KIF15: variants seen among roughly 807,000 people sequenced by gnomAD.
KIF15 encodes kinesin family member 15.
Under a neutral mutation model 190.6 loss-of-function variants are expected in KIF15, and 140 were observed. That is an observed-to-expected ratio of 0.73 (90% CI 0.64 to 0.84). The LOEUF is 0.84. Among genes scored for constraint, KIF15 ranks in the 40% least tolerant of loss-of-function variants. The pLI, the probability that KIF15 is intolerant of heterozygous loss-of-function variation, is 0.00. For synonymous variants in KIF15, 528 were observed against 551.3 expected, an observed-to-expected ratio of 0.96 and a Z score of 0.59; for missense variants, 1,372 against 1,584.4, an observed-to-expected ratio of 0.87 and a Z score of 2.28.
chr3:44,778,978 T>TTAA (rs1427427586), intron 4 of KIF15, among the ~76,000 whole-genome samples: 1 of 13,656 alleles, frequency 7.3e-5, no homozygotes, highest in African/African-American at 3.5e-4. Flanking sequence ...AGACTCCGCC[T>TTAA]CAAAAAAAAA....
intron 4 of KIF15, among the ~76,000 whole-genome samples, chr3:44,779,991 A>G (rs1706090883): frequency 6.6e-6 from 1 of 152,028 alleles, no homozygotes; most frequent in Non-Finnish European, 1.5e-5. Context: ...GAAAAAGTAA[A>G]TCCAAAATTT....
At position 44,786,446 on chromosome 3, in the gene KIF15, A is replaced by G. The variant is rs755315787; in HGVS notation, c.511A>G (p.Asn171Asp). 3.1e-6 allele frequency: 5 copies of G among 1,612,360 alleles called. No individual in the cohort carries two copies. The highest frequency in any genetic ancestry group is 2.5e-6 in the Non-Finnish European group (3 of 1,178,802). Residue 171 changes from asparagine (N) to aspartate (D), a missense_variant, in exon 7 of 35, where the codon AAC becomes GAC. Transcript: ENST00000326047. The part of the protein sequence containing the change: ...LCKCSFIEIY[N>D]EQIYDLLDSA... ...TAAGTGTTCCTTTATTGAAATCTACAACGAGCAGATATATGATCTACTGGA... is the reference window on the plus strand; with the variant it reads ...TAAGTGTTCCTTTATTGAAATCTACGACGAGCAGATATATGATCTACTGGA...
chr3:44,847,168 G>C (rs767406512), intron 30 of KIF15, among the ~76,000 whole-genome samples: 15 of 152,296 alleles, frequency 9.8e-5, no homozygotes, highest in Non-Finnish European at 1.8e-4. Flanking sequence ...TGTCTGGGCT[G>C]CCAGATTTGT....
At chr3:44,847,831 C>T (rs1698914826) in intron 30 of KIF15, among the ~76,000 whole-genome samples, 154 bp from the exon 31 acceptor site, 1 of 152,210 alleles carries the variant, frequency 6.6e-6, no homozygotes. Flanking sequence ...TCACATTTAT[C>T]AACTGTACTG....
Position 44,782,109 on chromosome 3 carries a change from G to A in KIF15, c.361+1187G>A, listed in dbSNP as rs370407798. ...CTGTCGCCTAGGCTAGAGTGCAGTG[G>A]TACAATCTTGGCTCACTGCAACCTT... On this transcript the variant is annotated intron_variant, in intron 5 of 34. Coordinates refer to ENST00000326047, the MANE Select transcript of KIF15 (RefSeq NM_020242.3). Among the ~76,000 whole-genome samples, 25 of 152,124 alleles carry A rather than the reference G, an allele frequency of 1.6e-4. No homozygotes were observed. The East Asian group carries it at 4.4e-3, about 27-fold the overall frequency.
At position 44,852,605 on chromosome 3, in the gene KIF15, A is replaced by G. The variant is rs187558124; in HGVS notation, c.4105-68A>G. 8,693 of 1,274,288 alleles carry G rather than the reference A, an allele frequency of 6.8e-3. 81 individuals are homozygous for G. Among genetic ancestry groups the G allele is most frequent in the Non-Finnish European group, 6.5e-3 (5,957 of 918,194 alleles). The allele number at this position is 1,274,288 out of a possible 1,614,324, so 78.9% of individuals were successfully genotyped here. A position where few individuals can be genotyped will look rare whatever the true frequency, so the allele number is the denominator to read the frequency against. On this transcript the variant is annotated intron_variant, in intron 34 of 34. Coordinates refer to ENST00000326047, the MANE Select transcript of KIF15 (RefSeq NM_020242.3). ...TGAAATATACACCTAATAAATGCAA[A>G]AAAAAACCACTTCCTGTAAGAATTA...
At chr3:44,769,814 GA>G (rs1705568080) in intron 1 of KIF15, among the ~76,000 whole-genome samples, 1 of 152,168 alleles carries the variant, frequency 6.6e-6, no homozygotes, top group Non-Finnish European at 1.5e-5. Flanking sequence ...CCAAGGGAAA[GA>G]AAAGGATGCC....
At chr3:44,784,764 T>G in intron 5 of KIF15, 81 bp from the exon 6 acceptor site, 1 of 724,724 alleles carries the variant, frequency 1.4e-6, no homozygotes, top group Non-Finnish European at 2.4e-6. Flanking sequence ...TGGTGTATCA[T>G]CTAATTTCTG....
chr3:44,775,500 G>C (rs547143570), intron 3 of KIF15, 63 bp downstream of exon 3: 30 of 1,264,666 alleles, frequency 2.4e-5, no homozygotes, highest in Non-Finnish European at 2.9e-5. Context: ...TCTGTCACCA[G>C]GCTGGAGTGC....
At chr3:44,840,814 GCA>G (rs1698561464) in intron 28 of KIF15, among the ~76,000 whole-genome samples, 1 of 143,628 alleles carries the variant, frequency 7.0e-6, no homozygotes, top group South Asian at 2.4e-4. Context: ...GACTACAGGT[GCA>G]CACTGCCACG....
chr3:44,838,302 C>T lies in KIF15; in HGVS notation c.3199C>T (p.His1067Tyr), dbSNP rs1429977311. 6.8e-6 allele frequency: 11 copies of T among 1,613,546 alleles called. No homozygotes were observed. The highest frequency in any genetic ancestry group is 2.2e-5 in the East Asian group (1 of 44,804). ...GGATATGCTCTGTGAGGACCTGGCTCATGCCACTGAGCAGCTGAACATGCT... is the reference window on the plus strand; with the variant it reads ...GGATATGCTCTGTGAGGACCTGGCTTATGCCACTGAGCAGCTGAACATGCT... ...ERDMLCEDLA[H>Y]ATEQLNMLTE... is the part of the protein sequence containing the mutation. Residue 1067 changes from histidine (H) to tyrosine (Y), a missense_variant, in exon 27 of 35, where the codon CAT becomes TAT. Transcript: ENST00000326047.
At chr3:44,784,411 G>A (rs566671712) in intron 5 of KIF15, among the ~76,000 whole-genome samples, 76 of 152,078 alleles carry the variant, frequency 5.0e-4, no homozygotes, top group Non-Finnish European at 6.3e-4. Context: ...TGATCCGCCC[G>A]CCTCAGCTTC....
At chr3:44,828,185 C>T in intron 23 of KIF15, 29 bp from the exon 24 acceptor site, 2 of 1,525,394 alleles carry the variant, frequency 1.3e-6, no homozygotes, top group Non-Finnish European at 1.8e-6. Context: ...TTTAATTATT[C>T]TTCTAAAAAT....
At position 44,838,437 on chromosome 3, in the gene KIF15, G is replaced by T; in HGVS notation, c.3318+16G>T. ...TCAGCACAAGGTGAGAAACACACAG[G>T]TGTCACTCAAGATGGGAGACAAGAG... On this transcript the variant is annotated intron_variant, in intron 27 of 34. Coordinates refer to ENST00000326047, the MANE Select transcript of KIF15 (RefSeq NM_020242.3). The T allele has an allele frequency of 6.2e-7, 1 of 1,607,300 alleles. No homozygotes were observed. The highest frequency in any genetic ancestry group is 1.3e-5 in the African/African-American group (1 of 74,676).
chr3:44,849,518 C>G (rs1455318920), intron 32 of KIF15, among the ~76,000 whole-genome samples: 1 of 151,958 alleles, frequency 6.6e-6, no homozygotes, highest in African/African-American at 2.4e-5. Flanking sequence ...AAAGCTCTTG[C>G]CATTCTTTTA....
intron 6 of KIF15, among the ~76,000 whole-genome samples, chr3:44,866,517 C>T (rs1259843785): frequency 6.6e-6 from 1 of 152,190 alleles, no homozygotes; most frequent in African/African-American, 2.4e-5. Context: ...CGAGGGCCCT[C>T]TCAGCTCTCC....
chr3:44,771,773 GA>G (rs33999517), intron 1 of KIF15, among the ~76,000 whole-genome samples: 2 of 152,104 alleles, frequency 1.3e-5, no homozygotes, highest in African/African-American at 4.8e-5. Context: ...TCAATTTATG[GA>G]AAAGCCATAT....
chr3:44,838,909 T>G (rs1698458195), intron 27 of KIF15, among the ~76,000 whole-genome samples: 1 of 152,180 alleles, frequency 6.6e-6, no homozygotes, highest in South Asian at 2.1e-4. Flanking sequence ...CCTTAGGTCC[T>G]TGACACATGG....
intron 26 of KIF15, among the ~76,000 whole-genome samples, chr3:44,834,336 A>T (rs1698206758): frequency 6.6e-6 from 1 of 152,204 alleles, no homozygotes; most frequent in Non-Finnish European, 1.5e-5. Flanking sequence ...TATCATAAAA[A>T]CTGAGAGAAA....
Sources: allele counts gnomAD v4.1 joint callset (sites outside exome capture counted in the v4.1 genomes callset), GRCh38; gene constraint gnomAD v4.1.1; transcripts MANE v1.5; gene names NCBI Gene and HGNC (gene_info 2026-07-23, HGNC 2026-07-21).